The following PCDHA1 variants were observed in gnomAD, a reference collection of about 807,000 sequenced individuals.
The protein encoded by PCDHA1 is protocadherin alpha-1.
PCDHA1 carries 42 observed loss-of-function variants against 61.3 expected under a neutral mutation model. The observed-to-expected ratio is 0.69, with a 90% CI of 0.54 to 0.89. The LOEUF (loss-of-function observed/expected upper bound fraction) is 0.89. Ranked by LOEUF, PCDHA1 falls within the 40% of genes least tolerant of loss-of-function variation. The probability of loss-of-function intolerance (pLI) is 0.00; values close to 1 mark genes in which losing one functional copy is unlikely to be tolerated. For missense variants in PCDHA1, 1,256 were observed against 1,235.3 expected (o/e 1.02, Z -0.25); for synonymous variants, 610 against 553.8 (o/e 1.10, Z -1.43).
rs781817371 is a variant in PCDHA1, at chr5:140,787,853, G to A, written c.1563G>A (p.Gln521=). Residue 521 remains glutamine, a synonymous_variant, in exon 1 of 4, where the codon CAG becomes CAA. Transcript: ENST00000504120. ...AGAGCGGCAAGGTGTACGCACTGCA[G>A]CCCCTGGACCACGAGGAGCTGGAGC... ...HAESGKVYAL[Q]PLDHEELELL... The A allele has an allele frequency of 2.5e-6, 4 of 1,612,718 alleles. No individual in the cohort carries two copies. The highest frequency in any genetic ancestry group is 4.5e-5 in the East Asian group (2 of 44,878).
intron 1 of PCDHA1, chr5:140,866,231 A>G (rs1467927263): frequency 1.3e-5 from 2 of 152,172 alleles, no homozygotes; most frequent in Non-Finnish European, 2.9e-5. Context: ...ACTAAATACT[A>G]TATACCAAAA....
At chr5:140,845,964 G>A (rs1780137378) in intron 1 of PCDHA1, among the ~76,000 whole-genome samples, 1 of 149,394 alleles carries the variant, frequency 6.7e-6, no homozygotes, top group Non-Finnish European at 1.5e-5. Context: ...GATTAACCTA[G>A]GATGTTTCAA....
intron 1 of PCDHA1, chr5:140,822,754 T>C (rs1767425023): frequency 1.2e-6 from 2 of 1,613,734 alleles, no homozygotes; most frequent in African/African-American, 2.7e-5. Flanking sequence ...TAAAAGTACA[T>C]TCCCATTATC....
chr5:140,865,125 A>T (rs1581734540), intron 1 of PCDHA1: 1 of 152,310 alleles, frequency 6.6e-6, no homozygotes, highest in East Asian at 1.9e-4. Flanking sequence ...GGTGTTAATT[A>T]TACCTTAGAA....
At chr5:140,987,275 CTA>C (rs1554249023) in intron 3 of PCDHA1, among the ~76,000 whole-genome samples, 1 of 151,726 alleles carries the variant, frequency 6.6e-6, no homozygotes, top group Non-Finnish European at 1.5e-5. Context: ...ACCCGGCAGT[CTA>C]TGTTTTAACA....
At chr5:140,878,063 T>A (rs2057461897) in intron 1 of PCDHA1, 1 of 402,806 alleles carries the variant, frequency 2.5e-6, no homozygotes, top group Non-Finnish European at 4.1e-6. Context: ...CACTTAATAT[T>A]TTTCTTTTTC....
chr5:140,801,524 C>G, intron 1 of PCDHA1: 1 of 1,614,192 alleles, frequency 6.2e-7, no homozygotes, highest in Non-Finnish European at 8.5e-7. Flanking sequence ...TGGAGGTGAT[C>G]GTGGACAGGC....
At chr5:140,869,521 C>T (rs782236624) in intron 1 of PCDHA1, 4 of 1,614,064 alleles carry the variant, frequency 2.5e-6, no homozygotes, top group Non-Finnish European at 2.5e-6. Flanking sequence ...AGAACAAAAG[C>T]TGCTGATTGC....
chr5:140,810,401 C>T (rs1241607814), intron 1 of PCDHA1: 1 of 152,178 alleles, frequency 6.6e-6, no homozygotes, highest in Non-Finnish European at 1.5e-5. Flanking sequence ...TCTTTTGTAG[C>T]TAACACCAAC....
At chr5:140,803,095 C>T (rs782438161) in intron 1 of PCDHA1, 1 of 1,613,880 alleles carries the variant, frequency 6.2e-7, no homozygotes. Context: ...GAGATCAGCA[C>T]GACCCGTGCC....
At chr5:140,978,791 A>G (rs1443899144) in intron 1 of PCDHA1, 158 bp from the exon 2 acceptor site, 1 of 976,042 alleles carries the variant, frequency 1.0e-6, no homozygotes, top group Non-Finnish European at 1.2e-6. Context: ...AAAGTGCTAT[A>G]TATGTAGATA....
intron 1 of PCDHA1, among the ~76,000 whole-genome samples, chr5:140,973,341 C>T (rs1323571061): frequency 6.6e-6 from 1 of 152,124 alleles, no homozygotes; most frequent in African/African-American, 2.4e-5. Flanking sequence ...TGTAAAGTGA[C>T]ATAGTAGTGA....
chr5:140,904,502 G>T (rs1554191560), intron 1 of PCDHA1, among the ~76,000 whole-genome samples: 2 of 151,770 alleles, frequency 1.3e-5, no homozygotes, highest in African/African-American at 4.8e-5. Flanking sequence ...TTTTACAATT[G>T]TGAATTGTGC....
chr5:140,836,113 T>A, intron 1 of PCDHA1: 1 of 1,613,528 alleles, frequency 6.2e-7, no homozygotes, highest in South Asian at 1.1e-5. Flanking sequence ...GGTGGCGCAG[T>A]GAGAGAGCTT....
At chr5:140,902,043 G>A (rs1294111308) in intron 1 of PCDHA1, among the ~76,000 whole-genome samples, 2 of 151,980 alleles carry the variant, frequency 1.3e-5, no homozygotes, top group Non-Finnish European at 2.9e-5. Flanking sequence ...TTTGTATGTT[G>A]ATTTTGTATC....
At chr5:140,996,200 A>G (rs1338736394) in intron 3 of PCDHA1, among the ~76,000 whole-genome samples, 1 of 152,236 alleles carries the variant, frequency 6.6e-6, no homozygotes, top group South Asian at 2.1e-4. Flanking sequence ...CCCTCAATGC[A>G]AGGATATCAC....
intron 1 of PCDHA1, among the ~76,000 whole-genome samples, chr5:140,800,376 G>A (rs913923771): frequency 6.6e-6 from 1 of 152,068 alleles, no homozygotes; most frequent in African/African-American, 2.4e-5. Context: ...GGGAATTACA[G>A]ACATTCTACA....
intron 1 of PCDHA1, chr5:140,853,722 A>C (rs1236467209): frequency 2.0e-6 from 2 of 988,342 alleles, no homozygotes; most frequent in African/African-American, 1.8e-5. Flanking sequence ...GCAGCACCTA[A>C]GTCCTCATTG....
intron 1 of PCDHA1, chr5:140,803,074 T>C (rs1346757216): frequency 6.2e-7 from 1 of 1,613,948 alleles, no homozygotes; most frequent in Middle Eastern, 1.6e-4. Flanking sequence ...CGCGTGGGGC[T>C]GTACACGGGA....
Sources: allele counts gnomAD v4.1 joint callset (sites outside exome capture counted in the v4.1 genomes callset), GRCh38; gene constraint gnomAD v4.1.1; transcripts MANE v1.5; gene names NCBI Gene and HGNC (gene_info 2026-07-23, HGNC 2026-07-21).